Variants in TNXB observed in about 807,000 individuals in gnomAD.
The protein encoded by TNXB is tenascin-X.
TNXB carries 183 observed loss-of-function variants against 340.5 expected under a neutral mutation model. The observed-to-expected ratio is 0.54, with a 90% confidence interval of 0.48 to 0.61. The LOEUF is 0.61. Among genes scored for constraint, TNXB ranks in the 20% least tolerant of loss-of-function variants. The probability of loss-of-function intolerance (pLI) is 0.00; values close to 1 mark genes in which losing one functional copy is unlikely to be tolerated. For missense variants in TNXB, 4,613 were observed against 5,446.4 expected, an observed-to-expected ratio of 0.85 and a Z score of 4.82; for synonymous variants, 2,121 against 2,314.5, an observed-to-expected ratio of 0.92 and a Z score of 2.40.
At chr6:32,105,259 G>A (rs1036640767) in intron 1 of TNXB, among the ~76,000 whole-genome samples, 5 of 152,034 alleles carry the variant, frequency 3.3e-5, no homozygotes, top group Non-Finnish European at 7.4e-5. Flanking sequence ...GTCTCAGCCC[G>A]CCATTTTTTT....
Position 32,052,704 on chromosome 6 carries a change from C to G in TNXB, c.9081G>C (p.Gln3027His), listed in dbSNP as rs1427583016. The G allele has an allele frequency of 6.2e-7, 1 of 1,613,658 alleles. No homozygotes were observed. ...CCACAGCGGACACTGGGCCCACGCG[C>G]TGCCCCTCGTGGAGGCCGTACAGGT... ...KMHLYGLHEGQRVGPVSAVGV... is the reference protein window; with the variant it reads ...KMHLYGLHEGHRVGPVSAVGV... The change falls in exon 26 of 44, where the codon CAG becomes CAC. Residue 3027 changes from glutamine (Q) to histidine (H), a missense_variant. Around this residue, in one of 7 missense-constraint regions of TNXB, gnomAD observed 4,327 missense variants for 4,859.4 expected, o/e 0.89. Transcript: ENST00000644971. This position sits in a 1 kb window ranked among gnomAD's most constrained non-coding sequence, Gnocchi z 4.7.
At position 32,096,481 on chromosome 6, in the gene TNXB, C is replaced by T. The variant is rs747129524; in HGVS notation, c.1372G>A (p.Gly458Ser). 4 of 1,600,290 alleles carry T rather than the reference C, an allele frequency of 2.5e-6. No individual in the cohort carries two copies. Among genetic ancestry groups the T allele is most frequent in the South Asian group, 1.1e-5 (1 of 90,894 alleles). The change falls in exon 3 of 44, where the codon GGC (glycine) becomes AGC (serine). Residue 458 changes from glycine to serine, a missense_variant. By Grantham distance (56) the Gly-to-Ser change is moderately conservative. Around this residue, in one of 7 missense-constraint regions of TNXB, gnomAD observed 4,327 missense variants for 4,859.4 expected, o/e 0.89. Coordinates refer to ENST00000644971, the MANE Select transcript of TNXB (RefSeq NM_001365276.2). ...GVCVCNAGYS[G>S]EDCGVRSCPG... is the part of the protein sequence containing the mutation. ...CAGCTGCGCACACCGCAGTCCTCGC[C>T]GCTGTAGCCCGCATTGCAAACACAC... is the stretch of plus-strand genomic sequence containing the variant.
At chr6:32,057,078 G>T (rs1335234641) in intron 22 of TNXB, among the ~76,000 whole-genome samples, 175 bp from the exon 23 acceptor site, 1 of 151,486 alleles carries the variant, frequency 6.6e-6, no homozygotes, top group East Asian at 1.9e-4. Flanking sequence ...CCCTCACCCT[G>T]ACCCTCCTGC....
chr6:32,053,766 A>G, intron 24 of TNXB, 55 bp from the exon 25 acceptor site: 4 of 1,575,452 alleles, frequency 2.5e-6, no homozygotes, highest in Non-Finnish European at 3.5e-6. Context: ...TTCAGCATAG[A>G]AAGGATGTGT....
rs1411812107 is a variant in TNXB, at chr6:32,080,263, T to C, written c.4043-898A>G. On this transcript the variant is annotated intron_variant, in intron 10 of 43. Coordinates refer to ENST00000644971, the MANE Select transcript of TNXB (RefSeq NM_001365276.2). The surrounding 1 kb of genome is among the most constrained non-coding windows in gnomAD (Gnocchi z 4.3). ...TCTCACTCTGTCGCCCAGGCTGGAA[T>C]GCAGTGGCGCGATCTCGGCTCACTG... is the stretch of plus-strand genomic sequence containing the variant. Among the ~76,000 whole-genome samples, 1 of 151,962 alleles carries C rather than the reference T, an allele frequency of 6.6e-6. No individual in the cohort carries two copies. The highest frequency in any genetic ancestry group is 1.5e-5 in the Non-Finnish European group (1 of 67,988).
intron 4 of TNXB, among the ~76,000 whole-genome samples, chr6:32,092,908 A>C (rs1334084231): frequency 6.6e-6 from 1 of 152,152 alleles, no homozygotes; most frequent in Non-Finnish European, 1.5e-5. Flanking sequence ...CCATACCGAG[A>C]GCAGAATGGA....
In TNXB at chr6:32,081,651, G is replaced by A. The variant is rs376169777; in HGVS notation, c.3759C>T (p.Pro1253=). ...GCTGCTCCAGGAACTCAGGGCGGGGGGGCTCCTCTTTCCTCTCTGGAGCTG... is the reference window on the plus strand; with the variant it reads ...GCTGCTCCAGGAACTCAGGGCGGGGAGGCTCCTCTTTCCTCTCTGGAGCTG... ...GTTAPERKEE[P]PRPEFLEQPL... Residue 1253 remains proline (P), a synonymous_variant, in exon 10 of 44, where the codon CCC becomes CCT. Coordinates refer to ENST00000644971, the MANE Select transcript of TNXB (RefSeq NM_001365276.2). The surrounding 1 kb of genome is among the most constrained non-coding windows in gnomAD (Gnocchi z 5.1). The A allele has an allele frequency of 6.3e-6, 10 of 1,589,862 alleles. No homozygotes were observed. In the African/African-American group the frequency reaches 1.2e-4, roughly 19 times the overall value.
Position 32,052,450 on chromosome 6 carries a change from C to CA in TNXB, c.9115+219dup, listed in dbSNP as rs34605198. 0.042 allele frequency among the ~76,000 whole-genome samples: 5,037 copies of CA among 118,712 alleles called. 113 individuals carry two copies. Among genetic ancestry groups the CA allele is most frequent in the South Asian group, 0.085 (319 of 3,736 alleles). 77.9% of individuals were successfully genotyped at this position (118,712 alleles called of 152,430 possible). A position where few individuals can be genotyped will look rare whatever the true frequency, so the allele number is the denominator to read the frequency against. ...TGGGTGACAAAGCGAGACTCTATCT[C>CA]AAAAAAAAAAAAAAGAAAGAAAGAA... On this transcript the variant is annotated intron_variant, in intron 26 of 43. Coordinates refer to ENST00000644971, the MANE Select transcript of TNXB (RefSeq NM_001365276.2). The surrounding 1 kb of genome is among the most constrained non-coding windows in gnomAD (Gnocchi z 4.7).
In TNXB at chr6:32,062,996, G is replaced by A. The variant is rs1412887954; in HGVS notation, c.6842-513C>T. Reference sequence around the variant, plus strand: ...CATGAACCCAGGAGGCGGAGCTTGCGGTGAGCCAAGATCACGCCACTGCAC... The same window carrying A: ...CATGAACCCAGGAGGCGGAGCTTGCAGTGAGCCAAGATCACGCCACTGCAC... On this transcript the variant is annotated intron_variant, in intron 19 of 43. Transcript: ENST00000644971. This position sits in a 1 kb window ranked among gnomAD's most constrained non-coding sequence, Gnocchi z 4.3. Among the ~76,000 whole-genome samples the A allele has an allele frequency of 1.3e-5, 2 of 151,882 alleles. No individual in the cohort carries two copies. The highest frequency in any genetic ancestry group is 2.9e-5 in the Non-Finnish European group (2 of 67,986).
In TNXB at chr6:32,088,803, A is replaced by C. The variant is rs204900; in HGVS notation, c.2761T>G (p.Ser921Ala). 180,337 of 1,575,098 alleles carry C rather than the reference A, an allele frequency of 0.11. 14,625 individuals carry two copies. The highest frequency in any genetic ancestry group is 0.34 in the South Asian group (28,787 of 85,048). Residue 921 changes from serine (S) to alanine (A), a missense_variant, in exon 6 of 44, where the codon TCT becomes GCT. Physicochemically the swap from Ser to Ala is moderately conservative, Grantham distance 99 (BLOSUM62 1). Coordinates refer to ENST00000644971, the MANE Select transcript of TNXB (RefSeq NM_001365276.2). ...GCCATACCTGTGTTGGCCCTGACAG[A>C]AGCTGGGTAGCTGACTGCCCGGCCC... ...ERGRAVSYPASVRANTGSSPL... is the reference protein window; with the variant it reads ...ERGRAVSYPAAVRANTGSSPL...
intron 6 of TNXB, 122 bp from the exon 7 acceptor site, chr6:32,086,240 C>T: frequency 8.1e-7 from 1 of 1,230,284 alleles, no homozygotes. Flanking sequence ...CTTCTGGTTC[C>T]CTCACCTGGG....
Position 32,052,519 on chromosome 6 carries a change from G to T in TNXB, c.9115+151C>A. 9.3e-7 allele frequency: 1 copy of T among 1,080,726 alleles called. No homozygotes were observed. The highest frequency in any genetic ancestry group is 1.3e-6 in the Non-Finnish European group (1 of 773,822). 66.9% of individuals were successfully genotyped at this position (1,080,726 alleles called of 1,614,324 possible). The stretch of plus-strand genomic sequence containing the variant: ...TCTCTTGCCCTAGGCCAAGCCTGCT[G>T]AATCCAAATCTGCTTTTTAACAAAA... On this transcript the variant is annotated intron_variant, in intron 26 of 43. Coordinates refer to ENST00000644971, the MANE Select transcript of TNXB (RefSeq NM_001365276.2). This position sits in a 1 kb window ranked among gnomAD's most constrained non-coding sequence, Gnocchi z 4.7.
At position 32,069,477 on chromosome 6, in the gene TNXB, G is replaced by A. The variant is rs1284337895; in HGVS notation, c.5587+76C>T. 6.9e-6 allele frequency: 10 copies of A among 1,456,928 alleles called. No individual in the cohort carries two copies. The highest frequency in any genetic ancestry group is 9.1e-6 in the Non-Finnish European group (10 of 1,093,290). 90.3% of individuals were successfully genotyped at this position (1,456,928 alleles called of 1,614,324 possible). A position where few individuals can be genotyped will look rare whatever the true frequency, so the allele number is the denominator to read the frequency against. ...GAAATGATATAAAATGGGAAGCTCA[G>A]AGATCTTATGGCTCAGTCAGACCAG... On this transcript the variant is annotated intron_variant, in intron 15 of 43. Transcript: ENST00000644971. This position sits in a 1 kb window ranked among gnomAD's most constrained non-coding sequence, Gnocchi z 6.2.
chr6:32,104,812 T>C (rs1780898943), intron 1 of TNXB, among the ~76,000 whole-genome samples: 1 of 152,026 alleles, frequency 6.6e-6, no homozygotes. Context: ...ATTTTTAATT[T>C]TTTTTGCAAA....
rs755685687 is a variant in TNXB, at chr6:32,050,144, T to A, written c.9293A>T (p.Asp3098Val). Residue 3098 changes from aspartate (D) to valine (V), a missense_variant, in exon 27 of 44, where the codon GAT (aspartate) becomes GTT (valine). Physicochemically the swap from Asp to Val is radical, Grantham distance 152. Transcript: ENST00000644971. ...CACCCGCACCGCCTTGGGCTGCCCA[T>A]CCCCATTCCTGTACTGGACCAGGAA... ...DHFLVQYRNG[D>V]GQPKAVRVPG... is the part of the protein sequence containing the mutation. 6.2e-7 allele frequency: 1 copy of A among 1,613,820 alleles called. No individual in the cohort carries two copies. The highest frequency in any genetic ancestry group is 8.5e-7 in the Non-Finnish European group (1 of 1,179,874).
Position 32,089,458 on chromosome 6 carries a change from C to T in TNXB, c.2359-79G>A. On this transcript the variant is annotated intron_variant, in intron 4 of 43. Coordinates refer to ENST00000644971, the MANE Select transcript of TNXB (RefSeq NM_001365276.2). The surrounding 1 kb of genome is among the most constrained non-coding windows in gnomAD (Gnocchi z 6.2). ...TCAATCCCCCTTATCTCTTCTTTCT[C>T]CAATTCTAAACAGTGTCAGCATGGT... 1 of 1,509,484 alleles carries T rather than the reference C, an allele frequency of 6.6e-7. No homozygotes were observed. Among genetic ancestry groups the T allele is most frequent in the Non-Finnish European group, 8.9e-7 (1 of 1,125,364 alleles). The allele number at this position is 1,509,484 out of a possible 1,614,324, so 93.5% of individuals were successfully genotyped here.
Position 32,062,215 on chromosome 6 carries a change from G to T in TNXB, c.7110C>A (p.Asn2370Lys), listed in dbSNP as rs1448889614. Residue 2370 changes from asparagine to lysine, a missense_variant, in exon 20 of 44, where the codon AAC becomes AAA. Physicochemically the swap from Asn to Lys is moderately conservative, Grantham distance 94 (BLOSUM62 0). This residue lies in a region of TNXB where 4,327 missense variants were observed against 4,859.4 expected (regional missense o/e 0.89). Coordinates refer to ENST00000644971, the MANE Select transcript of TNXB (RefSeq NM_001365276.2). The surrounding 1 kb of genome is among the most constrained non-coding windows in gnomAD (Gnocchi z 4.3). The stretch of plus-strand genomic sequence containing the variant: ...GCTGGCCACCGTGGAAGCCGTACAG[G>T]TTCATCTTGTACTTGTTGTCTGGCT... Reference protein sequence around the residue: ...GLEPDNKYKMNLYGFHGGQRV... With the variant: ...GLEPDNKYKMKLYGFHGGQRV... The T allele has an allele frequency of 1.9e-6, 3 of 1,613,266 alleles. No homozygotes were observed. Among genetic ancestry groups the T allele is most frequent in the Admixed American group, 3.3e-5 (2 of 60,026 alleles).
Position 32,064,699 on chromosome 6 carries a change from C to A in TNXB, c.6841+122G>T, listed in dbSNP as rs1333078375. On this transcript the variant is annotated intron_variant, in intron 19 of 43. Coordinates refer to ENST00000644971, the MANE Select transcript of TNXB (RefSeq NM_001365276.2). This position sits in a 1 kb window ranked among gnomAD's most constrained non-coding sequence, Gnocchi z 5.3. ...CTCGGAGTGAAGGCACCAGCAGAAC[C>A]ATTCCCAGGAGCTTGGGAGGCTTGG... 3 of 1,362,438 alleles carry A rather than the reference C, an allele frequency of 2.2e-6. No homozygotes were observed. Among genetic ancestry groups the A allele is most frequent in the African/African-American group, 2.9e-5 (2 of 68,918 alleles). 84.4% of individuals were successfully genotyped at this position (1,362,438 alleles called of 1,614,324 possible). A position where few individuals can be genotyped will look rare whatever the true frequency, so the allele number is the denominator to read the frequency against.
rs61740336 is a variant in TNXB at position 32,073,884 on chromosome 6, C to T, written c.4444G>A (p.Val1482Met). 2,534 of 1,610,304 alleles carry T rather than the reference C, an allele frequency of 1.6e-3. 6 individuals carry two copies. The highest frequency in any genetic ancestry group is 5.1e-3 in the Middle Eastern group (31 of 6,060). Residue 1482 changes from valine to methionine, a missense_variant, in exon 12 of 44, where the codon GTG (valine) becomes ATG (methionine). Around this residue, in one of 7 missense-constraint regions of TNXB, gnomAD observed 4,327 missense variants for 4,859.4 expected, o/e 0.89. Coordinates refer to ENST00000644971, the MANE Select transcript of TNXB (RefSeq NM_001365276.2). The surrounding 1 kb of genome is among the most constrained non-coding windows in gnomAD (Gnocchi z 4.6). Reference protein sequence around the residue: ...PLEPRLGELTVTDVTPNSVGL... With the variant: ...PLEPRLGELTMTDVTPNSVGL... The stretch of plus-strand genomic sequence containing the variant: ...ACAGAGTTGGGGGTCACATCTGTCA[C>T]TGTCAGCTCTCCTAGGCGTGGCTCC...
Sources: gnomAD v4.1 joint callset for allele counts (sites outside exome capture counted in the v4.1 genomes callset) on GRCh38, gnomAD v4.1.1 for gene constraint, gnomAD v4.1.1 regional missense constraint, Gnocchi (gnomAD v3.1) non-coding constraint, MANE v1.5 for transcripts, NCBI Gene and HGNC (gene_info 2026-07-23, HGNC 2026-07-21) for gene names.